ZNF761: variants seen among roughly 807,000 people sequenced by gnomAD.
The protein encoded by ZNF761 is zinc finger protein 761.
Under a neutral mutation model 59.9 loss-of-function variants are expected in ZNF761, and 43 were observed. The observed-to-expected ratio is 0.72, with a 90% CI of 0.56 to 0.92. The LOEUF (loss-of-function observed/expected upper bound fraction) is 0.92. Ranked by LOEUF, ZNF761 falls within the 40% of genes least tolerant of loss-of-function variation. The probability of loss-of-function intolerance (pLI) is 0.00; values close to 1 mark genes in which losing one functional copy is unlikely to be tolerated. For synonymous variants in ZNF761, 294 were observed against 304.8 expected (o/e 0.96, Z 0.37); for missense variants, 850 against 906.1 (o/e 0.94, Z 0.79).
Position 53,457,552 on chromosome 19 carries a change from C to A in ZNF761, c.*804C>A. On this transcript the variant is annotated 3_prime_UTR_variant, in exon 5 of 5. Coordinates refer to ENST00000684525, the MANE Select transcript of ZNF761 (RefSeq NM_001289951.2). ...ACTCCTTGCAGAATATGAGAAAATT[C>A]ATTTTGGAGGTAGTTGGTCCATATG... The A allele has an allele frequency of 3.0e-6, 1 of 334,394 alleles. No individual in the cohort carries two copies. The highest frequency in any genetic ancestry group is 2.7e-5 in the South Asian group (1 of 37,568). The allele number at this position is 334,394 out of a possible 1,614,324, so 20.7% of individuals were successfully genotyped here. A position where few individuals can be genotyped will look rare whatever the true frequency, so the allele number is the denominator to read the frequency against.
intron 1 of ZNF761, chr19:53,443,702 T>G (rs2086123927): frequency 6.6e-6 from 1 of 152,112 alleles, no homozygotes; most frequent in Non-Finnish European, 1.5e-5. Context: ...AACCATCAAG[T>G]CTAGGCACAT....
chr19:53,436,052 C>T (rs2086038671), intron 1 of ZNF761, among the ~76,000 whole-genome samples: 1 of 152,154 alleles, frequency 6.6e-6, no homozygotes, highest in Non-Finnish European at 1.5e-5. Flanking sequence ...GGCTGTCGTC[C>T]TCAGCAGCAG....
chr19:53,445,780 G>T (rs2086152198), intron 1 of ZNF761, among the ~76,000 whole-genome samples: 1 of 152,306 alleles, frequency 6.6e-6, no homozygotes, highest in East Asian at 1.9e-4. Flanking sequence ...TTCTCTGTAT[G>T]AGGACATCAC....
At position 53,456,437 on chromosome 19, in the gene ZNF761, C is replaced by A. The variant is rs752661491; in HGVS notation, c.1930C>A (p.Arg644Ser). The change falls in exon 5 of 5, where the codon CGT becomes AGT. Residue 644 changes from arginine (R) to serine (S), a missense_variant. Arg to Ser is a moderately radical substitution (Grantham distance 110). Transcript: ENST00000684525. ...YKCEECDKAFRVKSNLEGHRR... is the reference protein window; with the variant it reads ...YKCEECDKAFSVKSNLEGHRR... ...ATGTGAAGAATGTGACAAAGCTTTC[C>A]GTGTGAAATCAAACCTTGAAGGACA... 1 of 1,607,600 alleles carries A rather than the reference C, an allele frequency of 6.2e-7. No homozygotes were observed. Among genetic ancestry groups the A allele is most frequent in the African/African-American group, 1.4e-5 (1 of 72,702 alleles).
chr19:53,438,735 A>T (rs1179133731), intron 1 of ZNF761, among the ~76,000 whole-genome samples: 1 of 152,192 alleles, frequency 6.6e-6, no homozygotes, highest in East Asian at 1.9e-4. Context: ...TCATAGCCAA[A>T]CCAGTGTTCC....
At chr19:53,441,970 G>A in intron 1 of ZNF761, 1 of 1,404,100 alleles carries the variant, frequency 7.1e-7, no homozygotes, top group Non-Finnish European at 9.9e-7. Context: ...GAGAAGCTGA[G>A]GGAAAAAGGT....
intron 2 of ZNF761, among the ~76,000 whole-genome samples, chr19:53,446,788 G>A (rs2086164841): frequency 6.6e-6 from 1 of 152,096 alleles, no homozygotes; most frequent in Admixed American, 6.5e-5. Context: ...GGACAACCAT[G>A]CCTGGCTAAG....
Position 53,454,928 on chromosome 19 carries a change from G to A in ZNF761, c.421G>A (p.Gly141Arg). The A allele has an allele frequency of 6.2e-7, 1 of 1,614,120 alleles. No homozygotes were observed. The highest frequency in any genetic ancestry group is 8.5e-7 in the Non-Finnish European group (1 of 1,180,020). The part of the protein sequence containing the change: ...ARNKPIKDQL[G>R]SSFHSHLPEM... ...AAACAAGCCTATTAAAGATCAGCTT[G>A]GATCAAGCTTTCATTCGCATCTGCC... The change falls in exon 5 of 5, where the codon GGA becomes AGA. Residue 141 changes from glycine (G) to arginine (R), a missense_variant. By Grantham distance (125) the Gly-to-Arg change is moderately radical. Transcript: ENST00000684525.
intron 1 of ZNF761, among the ~76,000 whole-genome samples, chr19:53,433,859 G>C (rs146967627): frequency 6.6e-6 from 1 of 151,704 alleles, no homozygotes; most frequent in East Asian, 1.9e-4. Context: ...ACGGACTCAA[G>C]AGTCTATTTT....
At position 53,456,576 on chromosome 19, in the gene ZNF761, A is replaced by T. The variant is rs555909998; in HGVS notation, c.2069A>T (p.Tyr690Phe). The change falls in exon 5 of 5, where the codon TAT becomes TTT. Residue 690 changes from tyrosine (Y) to phenylalanine (F), a missense_variant. Coordinates refer to ENST00000684525, the MANE Select transcript of ZNF761 (RefSeq NM_001289951.2). ...AGACTTCATACTGGAGAGAAACCTTATAAGTGTAATGAGTGTGGCAAGAAC... is the reference window on the plus strand; with the variant it reads ...AGACTTCATACTGGAGAGAAACCTTTTAAGTGTAATGAGTGTGGCAAGAAC... ...HHRLHTGEKP[Y>F]KCNECGKNFS... The T allele has an allele frequency of 6.8e-6, 11 of 1,612,032 alleles. No homozygotes were observed. The African/African-American group carries it at 1.2e-4, about 18-fold the overall frequency.
intron 3 of ZNF761, among the ~76,000 whole-genome samples, chr19:53,448,881 T>A (rs1188010158): frequency 6.6e-6 from 1 of 151,856 alleles, no homozygotes; most frequent in African/African-American, 2.4e-5. Flanking sequence ...CAAGCAATTC[T>A]CCTGCATCAG....
At position 53,456,601 on chromosome 19, in the gene ZNF761, C is replaced by A. The variant is rs534529711; in HGVS notation, c.2094C>A (p.Asn698Lys). ...ATAAGTGTAATGAGTGTGGCAAGAACTTTAGTCAGAAGTCATCCCTTATAT... is the reference window on the plus strand; with the variant it reads ...ATAAGTGTAATGAGTGTGGCAAGAAATTTAGTCAGAAGTCATCCCTTATAT... The part of the protein sequence containing the change: ...KPYKCNECGK[N>K]FSQKSSLICH... Residue 698 changes from asparagine to lysine, a missense_variant, in exon 5 of 5, where the codon AAC becomes AAA. Transcript: ENST00000684525. 1.2e-5 allele frequency: 19 copies of A among 1,612,520 alleles called. No individual in the cohort carries two copies. The highest frequency in any genetic ancestry group is 1.5e-5 in the Non-Finnish European group (18 of 1,179,664).
chr19:53,455,543 C>T lies in ZNF761; in HGVS notation c.1036C>T (p.Arg346Ter), dbSNP rs749679096. The change falls in exon 5 of 5, where the codon CGA (arginine) becomes TGA (stop). Residue 346 changes from arginine (R) to a stop codon, truncating the protein, a stop_gained. Coordinates refer to ENST00000684525, the MANE Select transcript of ZNF761 (RefSeq NM_001289951.2). LOFTEE classifies it high-confidence loss of function. ...RQKSILTRHH[R>*]LHTGEKPYKC... Reference sequence around the variant, plus strand: ...GAAGTCAATCCTTACACGCCATCATCGACTTCATACTGGAGAGAAACCTTA... The same window carrying T: ...GAAGTCAATCCTTACACGCCATCATTGACTTCATACTGGAGAGAAACCTTA... 15 of 1,599,906 alleles carry T rather than the reference C, an allele frequency of 9.4e-6. No individual in the cohort carries two copies. Among genetic ancestry groups the T allele is most frequent in the South Asian group, 2.2e-5 (2 of 90,250 alleles).
intron 1 of ZNF761, among the ~76,000 whole-genome samples, chr19:53,437,317 C>CA (rs201667966): frequency 3.2e-4 from 20 of 62,104 alleles, no homozygotes; most frequent in East Asian, 7.7e-4. Flanking sequence ...GACTCCATCT[C>CA]AAAAAAAAAA....
At position 53,457,102 on chromosome 19, in the gene ZNF761, G is replaced by T; in HGVS notation, c.*354G>T. The T allele has an allele frequency of 1.7e-6, 1 of 588,490 alleles. No individual in the cohort carries two copies. 36.5% of individuals were successfully genotyped at this position (588,490 alleles called of 1,614,324 possible). A position where few individuals can be genotyped will look rare whatever the true frequency, so the allele number is the denominator to read the frequency against. Reference sequence around the variant, plus strand: ...TGTAATGAGTGTGGCAAAGCCTTTAGTAGGCAGTCAACACTTGTTTACCGT... The same window carrying T: ...TGTAATGAGTGTGGCAAAGCCTTTATTAGGCAGTCAACACTTGTTTACCGT... On this transcript the variant is annotated 3_prime_UTR_variant, in exon 5 of 5. Coordinates refer to ENST00000684525, the MANE Select transcript of ZNF761 (RefSeq NM_001289951.2).
At chr19:53,448,442 C>A (rs1221203932) in intron 3 of ZNF761, among the ~76,000 whole-genome samples, 1 of 152,228 alleles carries the variant, frequency 6.6e-6, no homozygotes, top group Non-Finnish European at 1.5e-5. Flanking sequence ...ACGTCCTCCA[C>A]CCTCCTTCCA....
rs149377914 is a variant in ZNF761, at chr19:53,457,433, CCTTCA to C, written c.*692_*696del. Reference sequence around the variant, plus strand: ...CACATGTGTGATGATAGTGGCAAAGCCTTCACTTCACACCTCATGAGACATCAGAG... The same window carrying C: ...CACATGTGTGATGATAGTGGCAAAGCCTTCACACCTCATGAGACATCAGAG... On this transcript the variant is annotated 3_prime_UTR_variant, in exon 5 of 5. Transcript: ENST00000684525. 9,263 of 399,340 alleles carry C rather than the reference CCTTCA, an allele frequency of 0.023. 273 individuals carry two copies. Among genetic ancestry groups the C allele is most frequent in the East Asian group, 0.13 (1,774 of 13,922 alleles). The allele number at this position is 399,340 out of a possible 1,614,324, so 24.7% of individuals were successfully genotyped here.
In ZNF761 at chr19:53,447,013, G is replaced by A. The variant is rs73045366; in HGVS notation, c.-73-183G>A. The A allele has an allele frequency of 9.4e-4, 347 of 367,376 alleles. 1 individual carries two copies. The Middle Eastern group carries it at 0.013, about 14-fold the overall frequency. 22.8% of individuals were successfully genotyped at this position (367,376 alleles called of 1,614,324 possible). ...CCAGCCCAGCTCCCACTGTTGCAGC[G>A]TGTGTGTGGGCTCCTCTAGGAAAGA... On this transcript the variant is annotated intron_variant, in intron 2 of 4. Coordinates refer to ENST00000684525, the MANE Select transcript of ZNF761 (RefSeq NM_001289951.2).
At position 53,447,222 on chromosome 19, in the gene ZNF761, G is replaced by A. The variant is rs8111707; in HGVS notation, c.-47G>A. ...ATTGACTTCTAAAGACTCTTGGTAC[G>A]TGAGGAAGAAACCCGGAAGAGGAAG... On this transcript the variant is annotated 5_prime_UTR_variant, in exon 3 of 5. The change creates a new upstream start codon in the 5' untranslated region. Coordinates refer to ENST00000684525, the MANE Select transcript of ZNF761 (RefSeq NM_001289951.2). 1.2e-5 allele frequency: 19 copies of A among 1,607,464 alleles called. No homozygotes were observed. The highest frequency in any genetic ancestry group is 8.8e-5 in the South Asian group (8 of 90,642).
Sources: gnomAD v4.1 joint callset for allele counts (sites outside exome capture counted in the v4.1 genomes callset) on GRCh38, gnomAD v4.1.1 for gene constraint, MANE v1.5 for transcripts, NCBI Gene and HGNC (gene_info 2026-07-23, HGNC 2026-07-21) for gene names.